The following AAK1 variants were observed in gnomAD, a reference collection of about 807,000 sequenced individuals.
The protein encoded by AAK1 is AP2-associated protein kinase 1.
Under a neutral mutation model 116.0 loss-of-function variants are expected in AAK1, and 37 were observed. That is an observed-to-expected ratio of 0.32 (90% confidence interval 0.25 to 0.42). AAK1 has a LOEUF of 0.42. Among genes scored for constraint, AAK1 ranks in the 10% least tolerant of loss-of-function variants. The pLI, the probability that AAK1 is intolerant of heterozygous loss-of-function variation, is 1.00. For missense variants in AAK1, 919 were observed against 1,170.6 expected (o/e 0.79, Z 3.14); for synonymous variants, 458 against 439.9 (o/e 1.04, Z -0.51).
chr2:69,540,658 G>A (rs558537978), intron 5 of AAK1, among the ~76,000 whole-genome samples: 22 of 152,300 alleles, frequency 1.4e-4, no homozygotes, highest in Non-Finnish European at 2.4e-4. Context: ...GCCGATGGAC[G>A]TAAAATAGTG....
At chr2:69,593,669 T>C (rs1289151184) in intron 2 of AAK1, among the ~76,000 whole-genome samples, 1 of 152,204 alleles carries the variant, frequency 6.6e-6, no homozygotes, top group Non-Finnish European at 1.5e-5. Flanking sequence ...TTATAATTAA[T>C]GTGAATTAGT....
intron 16 of AAK1, among the ~76,000 whole-genome samples, chr2:69,496,845 T>C (rs1002070682): frequency 6.6e-6 from 1 of 152,142 alleles, no homozygotes; most frequent in Non-Finnish European, 1.5e-5. Context: ...ATGTCTAATA[T>C]AGTGATAGGC....
At chr2:69,516,142 G>C (rs1011304137) in intron 12 of AAK1, among the ~76,000 whole-genome samples, 1 of 151,946 alleles carries the variant, frequency 6.6e-6, no homozygotes, top group Non-Finnish European at 1.5e-5. Context: ...CATATAAACC[G>C]GTGTATCAAA....
At position 69,530,037 on chromosome 2, in the gene AAK1, C is replaced by T. The variant is rs1267207277; in HGVS notation, c.842G>A (p.Arg281Gln). The T allele has an allele frequency of 1.2e-6, 2 of 1,600,578 alleles. No individual in the cohort carries two copies. The highest frequency in any genetic ancestry group is 1.3e-5 in the African/African-American group (1 of 74,652). The change falls in exon 8 of 22, where the codon CGA becomes CAA. Residue 281 changes from arginine (R) to glutamine (Q), a missense_variant. This residue lies in a region of AAK1 where 317 missense variants were observed against 490.4 expected (regional missense o/e 0.65). Coordinates refer to ENST00000409085, the MANE Select transcript of AAK1 (RefSeq NM_014911.5). ...DGNFTIPDNSRYSQDMHCLIR... is the reference protein window; with the variant it reads ...DGNFTIPDNSQYSQDMHCLIR... ...TAGGCAGTGCATGTCTTGAGAATAT[C>T]GAGAATTATCAGGAATTGTGAAGTT...
chr2:69,483,220 G>C (rs1002969837), intron 17 of AAK1, among the ~76,000 whole-genome samples: 1 of 152,142 alleles, frequency 6.6e-6, no homozygotes, highest in Non-Finnish European at 1.5e-5. Context: ...ACCCTTTACA[G>C]TCAGTGCCTT....
chr2:69,631,059 A>T (rs1261948265), intron 2 of AAK1, among the ~76,000 whole-genome samples: 1 of 152,230 alleles, frequency 6.6e-6, no homozygotes, highest in Non-Finnish European at 1.5e-5. Context: ...TTCACTGACC[A>T]GAGAAAATGA....
At chr2:69,479,233 T>A (rs890999273) in intron 19 of AAK1, among the ~76,000 whole-genome samples, 172 bp from the exon 20 acceptor site, 1 of 151,774 alleles carries the variant, frequency 6.6e-6, no homozygotes, top group Non-Finnish European at 1.5e-5. Context: ...TGGATTTTCA[T>A]CTGTATCATG....
At chr2:69,599,776 GTGTT>G (rs142556754) in intron 2 of AAK1, among the ~76,000 whole-genome samples, 2,095 of 152,136 alleles carry the variant, frequency 0.014, 43 homozygotes, top group African/African-American at 0.048. Context: ...ATGTGTGTGT[GTGTT>G]TGTTGTTGTT....
chr2:69,526,012 G>C (rs1488770362), intron 9 of AAK1, among the ~76,000 whole-genome samples: 1 of 152,162 alleles, frequency 6.6e-6, no homozygotes, highest in African/African-American at 2.4e-5. Flanking sequence ...TCCAGGTGGG[G>C]GGAGATTTTC....
At chr2:69,518,429 T>G (rs866999810) in intron 12 of AAK1, among the ~76,000 whole-genome samples, 54 of 150,958 alleles carry the variant, frequency 3.6e-4, no homozygotes, top group South Asian at 2.3e-3. Flanking sequence ...TTTTTTTTTT[T>G]TTTTTTTGAG....
In AAK1 at chr2:69,556,449, A is replaced by G. The variant is rs909190280; in HGVS notation, c.282+411T>C. 2.0e-5 allele frequency among the ~76,000 whole-genome samples: 3 copies of G among 152,346 alleles called. No homozygotes were observed. The South Asian group carries it at 6.2e-4, about 32-fold the overall frequency. Reference sequence around the variant, plus strand: ...TATTAAGTTGTATAAGGATATGTTCACAGGATTTTGAAGAGCTCAGGAGGG... The same window carrying G: ...TATTAAGTTGTATAAGGATATGTTCGCAGGATTTTGAAGAGCTCAGGAGGG... On this transcript the variant is annotated intron_variant, in intron 3 of 21. Coordinates refer to ENST00000409085, the MANE Select transcript of AAK1 (RefSeq NM_014911.5).
chr2:69,489,319 C>T (rs893265969), intron 17 of AAK1, among the ~76,000 whole-genome samples: 23 of 151,964 alleles, frequency 1.5e-4, no homozygotes, highest in African/African-American at 5.1e-4. Flanking sequence ...GGCGTGGTGG[C>T]GCATGCCTGT....
intron 2 of AAK1, among the ~76,000 whole-genome samples, chr2:69,634,363 T>C (rs1275461676): frequency 6.6e-6 from 1 of 152,218 alleles, no homozygotes; most frequent in African/African-American, 2.4e-5. Context: ...TCTGTACAGC[T>C]GGAGTAATAA....
At chr2:69,489,578 A>G (rs1044591786) in intron 17 of AAK1, among the ~76,000 whole-genome samples, 1 of 152,144 alleles carries the variant, frequency 6.6e-6, no homozygotes, top group Non-Finnish European at 1.5e-5. Flanking sequence ...GGACTCACAG[A>G]CATGGAAGGG....
intron 2 of AAK1, among the ~76,000 whole-genome samples, chr2:69,588,637 ATT>A (rs1292580842): frequency 6.6e-6 from 1 of 152,064 alleles, no homozygotes; most frequent in Non-Finnish European, 1.5e-5. Context: ...TAATTGCATC[ATT>A]TTGTTACTCC....
chr2:69,529,923 C>G, intron 8 of AAK1, 85 bp downstream of exon 8: 1 of 1,203,584 alleles, frequency 8.3e-7, no homozygotes, highest in Non-Finnish European at 1.1e-6. Context: ...TAACTCATTA[C>G]TCCTGGAATC....
chr2:69,586,372 G>A (rs1424269390), intron 2 of AAK1, among the ~76,000 whole-genome samples: 2 of 152,130 alleles, frequency 1.3e-5, no homozygotes, highest in Non-Finnish European at 2.9e-5. Context: ...GGTAACCATG[G>A]GCTTTGGAGG....
At chr2:69,485,221 A>G (rs1201179966) in intron 17 of AAK1, among the ~76,000 whole-genome samples, 1 of 152,184 alleles carries the variant, frequency 6.6e-6, no homozygotes, top group East Asian at 1.9e-4. Flanking sequence ...TTGAAAAGCA[A>G]TGGATAAAAA....
At chr2:69,492,905 G>C (rs185393554) in intron 17 of AAK1, among the ~76,000 whole-genome samples, 4 of 152,072 alleles carry the variant, frequency 2.6e-5, no homozygotes, top group Non-Finnish European at 5.9e-5. Flanking sequence ...CAAAAAACTT[G>C]ACTGGTGTCC....
Sources: gnomAD v4.1 joint callset for allele counts (sites outside exome capture counted in the v4.1 genomes callset) on GRCh38, gnomAD v4.1.1 for gene constraint, gnomAD v4.1.1 regional missense constraint, MANE v1.5 for transcripts, NCBI Gene and HGNC (gene_info 2026-07-23, HGNC 2026-07-21) for gene names.